Variants in PLB1 observed in about 807,000 individuals in gnomAD.
PLB1 encodes phospholipase B1, membrane-associated.
Under a neutral mutation model 227.4 loss-of-function variants are expected in PLB1, and 242 were observed. The ratio of observed to expected loss-of-function variants is 1.06; its 90% CI spans 0.96 to 1.18. The LOEUF is 1.18. Among genes scored for constraint, PLB1 ranks in the 50% most tolerant of loss-of-function variants. The pLI, the probability that PLB1 is intolerant of heterozygous loss-of-function variation, is 0.00. For missense variants in PLB1, 1,858 were observed against 1,816.3 expected (o/e 1.02, Z -0.42); for synonymous variants, 757 against 682.2 (o/e 1.11, Z -1.71).
intron 9 of PLB1, among the ~76,000 whole-genome samples, chr2:28,536,385 T>C (rs1671680297): frequency 6.6e-6 from 1 of 152,154 alleles, no homozygotes; most frequent in Admixed American, 6.6e-5. Context: ...TTTGGCTTTA[T>C]TAATTAGTAA....
At chr2:28,557,787 C>A (rs1308728738) in intron 17 of PLB1, among the ~76,000 whole-genome samples, 2 of 152,144 alleles carry the variant, frequency 1.3e-5, no homozygotes, top group Non-Finnish European at 2.9e-5. Context: ...AGTTCTTTTT[C>A]CAGGGAGAGC....
At chr2:28,622,654 G>A (rs548588997) in intron 49 of PLB1, among the ~76,000 whole-genome samples, 2 of 152,280 alleles carry the variant, frequency 1.3e-5, no homozygotes, top group South Asian at 4.1e-4. Flanking sequence ...ATTGAGGGCC[G>A]AGGTAGGTGG....
chr2:28,545,702 G>A (rs1382158752), intron 14 of PLB1, among the ~76,000 whole-genome samples: 1 of 152,176 alleles, frequency 6.6e-6, no homozygotes, highest in Admixed American at 6.5e-5. Context: ...CTCCAGGTGC[G>A]GGGAGGGCGG....
intron 33 of PLB1, 82 bp from the exon 34 acceptor site, chr2:28,597,923 G>C (rs1293754059): frequency 4.5e-6 from 6 of 1,336,980 alleles, no homozygotes; most frequent in Non-Finnish European, 6.5e-6. Context: ...GAAGGGTGGG[G>C]GCTGCTCTTG....
intron 17 of PLB1, among the ~76,000 whole-genome samples, chr2:28,561,879 G>T (rs543385425): frequency 8.6e-4 from 130 of 152,038 alleles, no homozygotes; most frequent in Admixed American, 7.1e-3. Flanking sequence ...GACACAGTGA[G>T]ACTTTGTCTC....
chr2:28,523,422 T>C (rs1669807231), intron 4 of PLB1, among the ~76,000 whole-genome samples: 1 of 150,384 alleles, frequency 6.6e-6, no homozygotes, highest in African/African-American at 2.4e-5. Flanking sequence ...ATCAAATTCC[T>C]TGAGGGTAGA....
chr2:28,597,084 G>A (rs1042022090), intron 33 of PLB1, among the ~76,000 whole-genome samples: 2 of 151,988 alleles, frequency 1.3e-5, no homozygotes, highest in Non-Finnish European at 2.9e-5. Flanking sequence ...TAACACGGTG[G>A]AACCCCATCT....
At chr2:28,615,513 G>A (rs1686070013) in intron 44 of PLB1, among the ~76,000 whole-genome samples, 1 of 152,182 alleles carries the variant, frequency 6.6e-6, no homozygotes. Context: ...AGAACTATTG[G>A]ATGCTAAGCT....
intron 1 of PLB1, among the ~76,000 whole-genome samples, chr2:28,514,265 A>G (rs779132663): frequency 3.7e-4 from 56 of 152,078 alleles, no homozygotes; most frequent in Middle Eastern, 3.4e-3. Flanking sequence ...AAGTGGGTTT[A>G]TTTCTGGGCT....
intron 1 of PLB1, among the ~76,000 whole-genome samples, chr2:28,502,725 A>G (rs116661703): frequency 9.1e-4 from 138 of 152,264 alleles, no homozygotes; most frequent in African/African-American, 3.0e-3. Flanking sequence ...TTGGGTACCA[A>G]TGTTTTACAG....
intron 16 of PLB1, 87 bp from the exon 17 acceptor site, chr2:28,552,841 T>A (rs1166915930): frequency 1.9e-6 from 2 of 1,047,260 alleles, no homozygotes; most frequent in Non-Finnish European, 3.0e-6. Flanking sequence ...TCTTAAATGA[T>A]GTTTTCCAAA....
intron 44 of PLB1, among the ~76,000 whole-genome samples, chr2:28,617,059 C>A (rs1198669085): frequency 6.6e-6 from 1 of 152,160 alleles, no homozygotes; most frequent in Admixed American, 6.5e-5. Context: ...CCATCCCACT[C>A]CTTTCCCCAG....
intron 1 of PLB1, among the ~76,000 whole-genome samples, chr2:28,516,460 T>C (rs1668861238): frequency 6.6e-6 from 1 of 152,162 alleles, no homozygotes; most frequent in African/African-American, 2.4e-5. Flanking sequence ...ACAGTAACTG[T>C]TTGTCTGACA....
At chr2:28,553,075 A>G in intron 17 of PLB1, 84 bp downstream of exon 17, 3 of 1,201,610 alleles carry the variant, frequency 2.5e-6, no homozygotes, top group Non-Finnish European at 3.7e-6. Context: ...AACCTGAAAT[A>G]CTCCCGAGTG....
At chr2:28,608,548 A>T (rs867063466) in intron 43 of PLB1, among the ~76,000 whole-genome samples, 19 of 152,204 alleles carry the variant, frequency 1.2e-4, no homozygotes, top group African/African-American at 4.1e-4. Flanking sequence ...ACAGCACGCC[A>T]TGGATTTCTG....
rs898410111 is a variant in PLB1 at position 28,599,893 on chromosome 2, C to T, written c.2475-916C>T. On this transcript the variant is annotated intron_variant, in intron 35 of 57. Transcript: ENST00000327757. Reference sequence around the variant, plus strand: ...CCTCCCAAAGTACTTGGATTACAGGCATGAGCCACTGCACCTGGCCTTTTT... The same window carrying T: ...CCTCCCAAAGTACTTGGATTACAGGTATGAGCCACTGCACCTGGCCTTTTT... Among the ~76,000 whole-genome samples the T allele has an allele frequency of 5.9e-5, 9 of 152,256 alleles. 1 individual carries two copies. The highest frequency in any genetic ancestry group is 6.8e-3 in the Middle Eastern group (2 of 294).
rs1476613050 is a variant in PLB1 at position 28,585,319 on chromosome 2, A to G, written c.1734-442A>G. Among the ~76,000 whole-genome samples the G allele has an allele frequency of 2.0e-5, 3 of 150,608 alleles. No homozygotes were observed. The East Asian group carries it at 5.8e-4, about 29-fold the overall frequency. On this transcript the variant is annotated intron_variant, in intron 25 of 57. Coordinates refer to ENST00000327757, the MANE Select transcript of PLB1 (RefSeq NM_153021.5). ...GAGACAGAGTCTCGCTCTGTTGCCCAGGCTGGAGTGCAGTGGCACAATCTC... is the reference window on the plus strand; with the variant it reads ...GAGACAGAGTCTCGCTCTGTTGCCCGGGCTGGAGTGCAGTGGCACAATCTC...
intron 46 of PLB1, 172 bp downstream of exon 46, chr2:28,618,571 G>A (rs1478913382): frequency 1.7e-5 from 11 of 652,476 alleles, no homozygotes; most frequent in Admixed American, 7.7e-5. Context: ...GCCCTGTCTC[G>A]CCACCTTCCC....
chr2:28,571,532 TA>T (rs1246373605), intron 20 of PLB1, among the ~76,000 whole-genome samples: 16 of 150,180 alleles, frequency 1.1e-4, no homozygotes, highest in African/African-American at 3.7e-4. Flanking sequence ...GATTCATACT[TA>T]CCAATTTCAA....
Sources: allele counts gnomAD v4.1 joint callset (sites outside exome capture counted in the v4.1 genomes callset), GRCh38; gene constraint gnomAD v4.1.1; transcripts MANE v1.5; gene names NCBI Gene and HGNC (gene_info 2026-07-23, HGNC 2026-07-21).